The following PACRG variants were observed in gnomAD, a reference collection of about 807,000 sequenced individuals.
The protein encoded by PACRG is parkin coregulated.
A neutral mutation model predicts 29.7 loss-of-function variants in PACRG; 29 were observed. That is an observed-to-expected ratio of 0.98 (90% CI 0.73 to 1.33). The LOEUF (loss-of-function observed/expected upper bound fraction) is 1.33. Among genes scored for constraint, PACRG ranks in the 40% most tolerant of loss-of-function variants. The probability of loss-of-function intolerance (pLI) is 0.00; values close to 1 mark genes in which losing one functional copy is unlikely to be tolerated. For synonymous variants in PACRG, 116 were observed against 118.7 expected (o/e 0.98, Z 0.15); for missense variants, 279 against 316.2 (o/e 0.88, Z 0.89).
intron 1 of PACRG, among the ~76,000 whole-genome samples, chr6:162,771,274 G>A (rs978350957): frequency 2.6e-5 from 4 of 152,152 alleles, no homozygotes; most frequent in Admixed American, 2.6e-4. Flanking sequence ...ATCTATGCAA[G>A]TACCTACTAA....
chr6:163,276,609 A>G (rs191615908), intron 4 of PACRG, among the ~76,000 whole-genome samples: 1 of 152,320 alleles, frequency 6.6e-6, no homozygotes, highest in Non-Finnish European at 1.5e-5. Flanking sequence ...TCCAAAATGC[A>G]TATGTTGAAA....
chr6:162,911,908 C>A (rs953287406), intron 2 of PACRG, among the ~76,000 whole-genome samples: 8 of 152,096 alleles, frequency 5.3e-5, no homozygotes, highest in Admixed American at 6.5e-5. Context: ...GAGAAGTAAC[C>A]TATAATTGAG....
At chr6:163,026,491 T>G (rs1437861654) in intron 2 of PACRG, among the ~76,000 whole-genome samples, 2 of 152,240 alleles carry the variant, frequency 1.3e-5, no homozygotes, top group African/African-American at 4.8e-5. Flanking sequence ...AATAGCTAGA[T>G]GTATGCTAGA....
chr6:162,855,158 C>A (rs934454400), intron 2 of PACRG, among the ~76,000 whole-genome samples: 4 of 152,330 alleles, frequency 2.6e-5, no homozygotes, highest in Non-Finnish European at 5.9e-5. Context: ...TTCTCAGACT[C>A]GGCGTAAGCT....
chr6:162,787,771 C>T (rs957451285), intron 1 of PACRG, among the ~76,000 whole-genome samples: 73 of 151,558 alleles, frequency 4.8e-4, no homozygotes, highest in African/African-American at 1.7e-3. Flanking sequence ...AGAAGGAATA[C>T]AAACTTATAT....
chr6:162,824,679 G>A (rs945643242), intron 2 of PACRG, among the ~76,000 whole-genome samples: 4 of 152,078 alleles, frequency 2.6e-5, no homozygotes, highest in African/African-American at 9.7e-5. Flanking sequence ...CTCATTAACA[G>A]GCTACAGTGA....
chr6:162,791,231 T>C (rs1357936801), intron 1 of PACRG, among the ~76,000 whole-genome samples: 1 of 151,842 alleles, frequency 6.6e-6, no homozygotes, highest in Non-Finnish European at 1.5e-5. Context: ...TTGCAAGGAT[T>C]GGAAGCCAAG....
intron 2 of PACRG, among the ~76,000 whole-genome samples, chr6:163,002,374 C>G (rs1413846941): frequency 1.3e-5 from 2 of 152,076 alleles, no homozygotes; most frequent in Non-Finnish European, 2.9e-5. Context: ...ATCTTTAAAG[C>G]CTTCCTTCCA....
intron 1 of PACRG, among the ~76,000 whole-genome samples, chr6:162,757,630 C>T (rs1325353528): frequency 6.6e-6 from 1 of 152,074 alleles, no homozygotes; most frequent in Non-Finnish European, 1.5e-5. Context: ...ATCGCTTGAA[C>T]CTGGGAAGTG....
At chr6:163,259,116 C>T (rs1783225299) in intron 4 of PACRG, among the ~76,000 whole-genome samples, 1 of 152,144 alleles carries the variant, frequency 6.6e-6, no homozygotes, top group East Asian at 1.9e-4. Flanking sequence ...TAGGAATTTA[C>T]ATAAGGTCAT....
intron 4 of PACRG, among the ~76,000 whole-genome samples, chr6:163,313,071 C>G (rs1365317412): frequency 6.6e-6 from 1 of 151,536 alleles, no homozygotes; most frequent in Non-Finnish European, 1.5e-5. Flanking sequence ...CTCTCTCTCT[C>G]TCTCTGTTCC....
At chr6:162,992,942 C>G (rs934962346) in intron 2 of PACRG, among the ~76,000 whole-genome samples, 1 of 151,916 alleles carries the variant, frequency 6.6e-6, no homozygotes, top group African/African-American at 2.4e-5. Flanking sequence ...TATGTTGTGT[C>G]TCTGTTCTCG....
intron 3 of PACRG, among the ~76,000 whole-genome samples, chr6:163,066,179 C>T (rs1446319702): frequency 3.3e-5 from 5 of 152,162 alleles, no homozygotes; most frequent in Admixed American, 1.3e-4. Flanking sequence ...ATCCTTCAAA[C>T]GTCTGGACAG....
At chr6:163,062,099 C>G (rs1197380461) in intron 2 of PACRG, 51 bp from the exon 3 acceptor site, 1 of 1,588,274 alleles carries the variant, frequency 6.3e-7, no homozygotes, top group Non-Finnish European at 8.6e-7. Flanking sequence ...GTCTGCCGTG[C>G]TCTGCCCGAA....
chr6:163,165,708 T>G (rs7767610), intron 4 of PACRG: 5 of 214,676 alleles, frequency 2.3e-5, no homozygotes, highest in Non-Finnish European at 4.7e-5. Context: ...AGCCTTCAAG[T>G]CGGTTCACCC....
At chr6:162,981,738 T>G (rs183699614) in intron 2 of PACRG, among the ~76,000 whole-genome samples, 92 of 152,152 alleles carry the variant, frequency 6.0e-4, no homozygotes, top group African/African-American at 2.1e-3. Flanking sequence ...AGTTTTCTTT[T>G]AGAAGTCTTT....
chr6:163,216,002 G>A (rs1781347507), intron 4 of PACRG, among the ~76,000 whole-genome samples: 1 of 152,186 alleles, frequency 6.6e-6, no homozygotes, highest in African/African-American at 2.4e-5. Flanking sequence ...AGTAAGTGTA[G>A]GATGTGCTCA....
intron 2 of PACRG, among the ~76,000 whole-genome samples, chr6:162,829,454 T>G (rs1288708096): frequency 6.6e-6 from 1 of 152,248 alleles, no homozygotes; most frequent in African/African-American, 2.4e-5. Context: ...CTGAGCATTC[T>G]TTCATCCATC....
At position 162,791,755 on chromosome 6, in the gene PACRG, A is replaced by G. The variant is rs150365490; in HGVS notation, c.157-22392A>G. Among the ~76,000 whole-genome samples, 532 of 152,260 alleles carry G rather than the reference A, an allele frequency of 3.5e-3. 3 individuals are homozygous for G. The highest frequency in any genetic ancestry group is 0.012 in the African/African-American group (498 of 41,552). On this transcript the variant is annotated intron_variant, in intron 1 of 4. Transcript: ENST00000366888. Reference sequence around the variant, plus strand: ...CCATTCAGTACTTACTGCATTCTAGAAGGAGGATGGGGAATGCAGAAGGTA... The same window carrying G: ...CCATTCAGTACTTACTGCATTCTAGGAGGAGGATGGGGAATGCAGAAGGTA...
Sources: gnomAD v4.1 joint callset for allele counts (sites outside exome capture counted in the v4.1 genomes callset) on GRCh38, gnomAD v4.1.1 for gene constraint, MANE v1.5 for transcripts, NCBI Gene and HGNC (gene_info 2026-07-23, HGNC 2026-07-21) for gene names.